Variants in GRM7 observed in about 807,000 individuals in gnomAD.
GRM7 encodes glutamate metabotropic receptor 7.
A neutral mutation model predicts 84.5 loss-of-function variants in GRM7; 35 were observed. That is an observed-to-expected ratio of 0.41 (90% CI 0.32 to 0.55). The LOEUF is 0.55. Ranked by LOEUF, GRM7 falls within the 20% of genes least tolerant of loss-of-function variation. The pLI is 0.19. For missense variants in GRM7, 1,003 were observed against 1,194.6 expected (o/e 0.84, Z 2.36); for synonymous variants, 487 against 455.1 (o/e 1.07, Z -0.89).
intron 1 of GRM7, among the ~76,000 whole-genome samples, chr3:7,088,335 C>T (rs951003245): frequency 3.8e-4 from 58 of 152,026 alleles, no homozygotes; most frequent in African/African-American, 1.4e-3. Context: ...CTCAAATATG[C>T]CTTGAAGGAG....
At chr3:7,650,196 G>A (rs1698863929) in intron 8 of GRM7, among the ~76,000 whole-genome samples, 1 of 142,392 alleles carries the variant, frequency 7.0e-6, no homozygotes, top group Non-Finnish European at 1.6e-5. Flanking sequence ...TTTCTCAAAA[G>A]CTTGCTTGCT....
chr3:7,131,564 T>C (rs1282136035), intron 1 of GRM7, among the ~76,000 whole-genome samples: 1 of 152,162 alleles, frequency 6.6e-6, no homozygotes, highest in Non-Finnish European at 1.5e-5. Flanking sequence ...CTGAAACCTC[T>C]GCCTCTCATG....
At chr3:7,474,259 G>A (rs974280891) in intron 7 of GRM7, among the ~76,000 whole-genome samples, 2 of 152,050 alleles carry the variant, frequency 1.3e-5, no homozygotes, top group Non-Finnish European at 2.9e-5. Context: ...AAATTACAGT[G>A]TTCATGTCCT....
intron 2 of GRM7, among the ~76,000 whole-genome samples, chr3:7,200,809 C>G (rs1032866474): frequency 6.6e-6 from 1 of 152,094 alleles, no homozygotes; most frequent in Non-Finnish European, 1.5e-5. Context: ...GCAACAATTG[C>G]AGTTTCTCAA....
intron 2 of GRM7, among the ~76,000 whole-genome samples, chr3:7,203,710 G>A (rs1028997354): frequency 2.6e-5 from 4 of 152,208 alleles, no homozygotes; most frequent in South Asian, 2.1e-4. Context: ...ATATTCCCAC[G>A]AAATGTGTGT....
At chr3:7,646,730 G>A (rs998643957) in intron 8 of GRM7, among the ~76,000 whole-genome samples, 1 of 152,194 alleles carries the variant, frequency 6.6e-6, no homozygotes, top group African/African-American at 2.4e-5. Context: ...GCATGTATGA[G>A]AAGTTGGAGG....
At chr3:7,099,273 G>GT (rs1559438807) in intron 1 of GRM7, among the ~76,000 whole-genome samples, 2 of 130,460 alleles carry the variant, frequency 1.5e-5, no homozygotes, top group African/African-American at 3.6e-5. Flanking sequence ...ATGTATATAT[G>GT]AATACATGTA....
intron 4 of GRM7, among the ~76,000 whole-genome samples, chr3:7,396,383 ACTTC>A (rs2125150788): frequency 6.6e-6 from 1 of 152,264 alleles, no homozygotes; most frequent in East Asian, 1.9e-4. Flanking sequence ...TTTTATTTTT[ACTTC>A]CTTTTTAAGA....
chr3:7,511,862 C>G (rs1263362340), intron 7 of GRM7, among the ~76,000 whole-genome samples: 3 of 152,138 alleles, frequency 2.0e-5, no homozygotes, highest in Non-Finnish European at 4.4e-5. Flanking sequence ...CCATTTAGGG[C>G]TGGGAACAGT....
rs114975870 is a variant in GRM7, at chr3:7,152,901, A to G, written c.736+6233A>G. On this transcript the variant is annotated intron_variant, in intron 2 of 9. Transcript: ENST00000357716. The stretch of plus-strand genomic sequence containing the variant: ...CCTTGAAGCTAGGGTACAGTCATTA[A>G]TTCAGTCTTGGCTAATCAGACATAC... Among the ~76,000 whole-genome samples, 226 of 152,302 alleles carry G rather than the reference A, an allele frequency of 1.5e-3. 1 individual carries two copies. The highest frequency in any genetic ancestry group is 4.8e-3 in the African/African-American group (200 of 41,578).
chr3:7,078,156 A>G (rs1414026540), intron 1 of GRM7, among the ~76,000 whole-genome samples: 2 of 152,176 alleles, frequency 1.3e-5, no homozygotes, highest in Non-Finnish European at 2.9e-5. Context: ...GAATTCTGGT[A>G]TTGATATCAG....
chr3:6,891,222 G>A (rs1020358010), intron 1 of GRM7, among the ~76,000 whole-genome samples: 18 of 152,198 alleles, frequency 1.2e-4, no homozygotes, highest in African/African-American at 4.1e-4. Context: ...GGAGCATTTA[G>A]TCCATTTACA....
At chr3:7,036,141 G>C (rs971376990) in intron 1 of GRM7, among the ~76,000 whole-genome samples, 9 of 152,118 alleles carry the variant, frequency 5.9e-5, no homozygotes, top group African/African-American at 2.2e-4. Flanking sequence ...TGTTCTTACA[G>C]CCTACACTAT....
rs112287204 is a variant in GRM7, at chr3:6,862,126, G to T, written c.519+219G>T. 6.6e-6 allele frequency among the ~76,000 whole-genome samples: 1 copy of T among 151,966 alleles called. No individual in the cohort carries two copies. The highest frequency in any genetic ancestry group is 1.5e-5 in the Non-Finnish European group (1 of 67,996). On this transcript the variant is annotated intron_variant, in intron 1 of 9. Transcript: ENST00000357716. This position sits in a 1 kb window ranked among gnomAD's most constrained non-coding sequence, Gnocchi z 5.2. ...CCCTGTCCACGCTCCACTCCATCCG[G>T]CTTGACATCTGGATTTATGGCCCCA...
At chr3:7,431,233 A>G (rs1432310694) in intron 5 of GRM7, among the ~76,000 whole-genome samples, 2 of 152,234 alleles carry the variant, frequency 1.3e-5, no homozygotes, top group East Asian at 3.8e-4. Flanking sequence ...ATCATTTAAA[A>G]AAAGAATGGA....
intron 1 of GRM7, among the ~76,000 whole-genome samples, chr3:7,075,666 C>G (rs1698047096): frequency 6.6e-6 from 1 of 151,994 alleles, no homozygotes; most frequent in Admixed American, 6.6e-5. Flanking sequence ...GCTGGGATTA[C>G]AGGTGCCCGC....
At chr3:6,875,882 T>C (rs938933212) in intron 1 of GRM7, among the ~76,000 whole-genome samples, 2 of 152,214 alleles carry the variant, frequency 1.3e-5, no homozygotes, top group African/African-American at 4.8e-5. Context: ...TTATTCATTC[T>C]TACTTACAGA....
At chr3:7,302,563 T>C (rs1007623289) in intron 3 of GRM7, among the ~76,000 whole-genome samples, 2 of 152,172 alleles carry the variant, frequency 1.3e-5, no homozygotes, top group Non-Finnish European at 2.9e-5. Context: ...TGTCGTTTTA[T>C]ATTTTTGGTG....
At chr3:7,628,593 G>A (rs1697725935) in intron 8 of GRM7, among the ~76,000 whole-genome samples, 1 of 152,090 alleles carries the variant, frequency 6.6e-6, no homozygotes, top group African/African-American at 2.4e-5. Context: ...TATGATTTGG[G>A]CCAGAAATCC....
Sources: gnomAD v4.1 joint callset for allele counts (sites outside exome capture counted in the v4.1 genomes callset) on GRCh38, gnomAD v4.1.1 for gene constraint, Gnocchi (gnomAD v3.1) non-coding constraint, MANE v1.5 for transcripts, NCBI Gene and HGNC (gene_info 2026-07-23, HGNC 2026-07-21) for gene names.